Variants in GGTLC2 observed in about 807,000 individuals in gnomAD.
GGTLC2 encodes the protein gamma-glutamyltransferase light chain 2, also known as glutathione hydrolase light chain 2.
A neutral mutation model predicts 20.2 loss-of-function variants in GGTLC2; 13 were observed. That is an observed-to-expected ratio of 0.64 (90% confidence interval 0.42 to 1.02). The LOEUF is 1.02. Among genes scored for constraint, GGTLC2 ranks in the 50% least tolerant of loss-of-function variants. GGTLC2 has a pLI of 0.00. For missense variants in GGTLC2, 202 were observed against 301.3 expected (o/e 0.67, Z 2.44); for synonymous variants, 89 against 125.5 (o/e 0.71, Z 1.94).
intron 1 of GGTLC2, among the ~76,000 whole-genome samples, chr22:22,645,569 G>A (rs937409764): frequency 1.3e-5 from 2 of 150,942 alleles, no homozygotes; most frequent in South Asian, 2.1e-4. Flanking sequence ...CTCTTGCCTG[G>A]TTGATACCCA....
chr22:22,646,146 G>A (rs1601952455), intron 1 of GGTLC2, 166 bp from the exon 2 acceptor site: 7 of 1,389,542 alleles, frequency 5.0e-6, no homozygotes, highest in African/African-American at 3.0e-5. Flanking sequence ...TTGCTGGAAT[G>A]CGACAGAGAC....
chr22:22,645,315 CAGG>C (rs2064024432), intron 1 of GGTLC2, among the ~76,000 whole-genome samples: 1 of 151,072 alleles, frequency 6.6e-6, no homozygotes, highest in Admixed American at 6.6e-5. Context: ...GGACCTTGGC[CAGG>C]CTCATGGCAT....
rs150559361 is a variant in GGTLC2, at chr22:22,647,013, C to A, written c.335C>A (p.Thr112Lys). The A allele has an allele frequency of 6.2e-7, 1 of 1,611,550 alleles. No homozygotes were observed. Among genetic ancestry groups the A allele is most frequent in the Admixed American group, 1.7e-5 (1 of 59,950 alleles). The stretch of plus-strand genomic sequence containing the variant: ...CAGCCGCTCTCGTCAATGTGCCCGA[C>A]GATCATGGTGGGCCAGGACGGCCAG... ...GKQPLSSMCP[T>K]IMVGQDGQPP... is the part of the protein sequence containing the mutation. Residue 112 changes from threonine to lysine, a missense_variant, in exon 4 of 6, where the codon ACG becomes AAG. Thr to Lys is a moderately conservative substitution (Grantham distance 78). Coordinates refer to ENST00000448514, the MANE Select transcript of GGTLC2 (RefSeq NM_199127.3).
Position 22,646,474 on chromosome 22 carries a change from C to T in GGTLC2, c.129C>T (p.Val43=), listed in dbSNP as rs576426248. Residue 43 remains valine (V), a synonymous_variant, in exon 2 of 6, where the codon GTC becomes GTT. Transcript: ENST00000448514. ...VDGGTAHLSV[V]AEDGSAVSAT... Reference sequence around the variant, plus strand: ...GGGGCACTGCTCACCTGTCTGTCGTCGCAGAGGACGGCAGTGCTGTGTCCG... The same window carrying T: ...GGGGCACTGCTCACCTGTCTGTCGTTGCAGAGGACGGCAGTGCTGTGTCCG... 52 of 1,555,070 alleles carry T rather than the reference C, an allele frequency of 3.3e-5. 1 individual carries two copies. The East Asian group carries it at 6.3e-4, about 19-fold the overall frequency.
At chr22:22,646,066 CA>C in intron 1 of GGTLC2, 2 of 1,241,518 alleles carry the variant, frequency 1.6e-6, no homozygotes, top group Non-Finnish European at 2.1e-6. Flanking sequence ...ATATTTTTTG[CA>C]TGAAGGAATG....
In GGTLC2 at chr22:22,647,742, G is replaced by C. The variant is rs1389657343; in HGVS notation, c.*1G>C. On this transcript the variant is annotated 3_prime_UTR_variant, in exon 6 of 6. Transcript: ENST00000448514. ...AGGCGGGGAGCCTGCCGGCTACTGAGTGCTCCAGGAGGACAAGGCTGACAA... is the reference window on the plus strand; with the variant it reads ...AGGCGGGGAGCCTGCCGGCTACTGACTGCTCCAGGAGGACAAGGCTGACAA... 4 of 1,588,148 alleles carry C rather than the reference G, an allele frequency of 2.5e-6. No individual in the cohort carries two copies. Among genetic ancestry groups the C allele is most frequent in the Non-Finnish European group, 3.4e-6 (4 of 1,167,472 alleles).
rs2064121553 is a variant in GGTLC2 at position 22,646,986 on chromosome 22, A to G, written c.308A>G (p.Lys103Arg). 1.2e-6 allele frequency: 2 copies of G among 1,611,642 alleles called. No individual in the cohort carries two copies. Among genetic ancestry groups the G allele is most frequent in the Non-Finnish European group, 1.7e-6 (2 of 1,179,800 alleles). The change falls in exon 4 of 6, where the codon AAG (lysine) becomes AGG (arginine). Residue 103 changes from lysine (K) to arginine (R), a missense_variant. Physicochemically the swap from Lys to Arg is conservative, Grantham distance 26. Transcript: ENST00000448514. ...TGTCTTCTCCCATCGGCCACAGGGA[A>G]GCAGCCGCTCTCGTCAATGTGCCCG... ...PSPANFIQPGKQPLSSMCPTI... is the reference protein window; with the variant it reads ...PSPANFIQPGRQPLSSMCPTI...
In GGTLC2 at chr22:22,647,296, C is replaced by G; in HGVS notation, c.510+6C>G. The G allele has an allele frequency of 6.2e-7, 1 of 1,608,904 alleles. No homozygotes were observed. Among genetic ancestry groups the G allele is most frequent in the Non-Finnish European group, 8.5e-7 (1 of 1,178,368 alleles). On this transcript the variant is annotated splice_donor_region_variant and intron_variant, in intron 5 of 5. Transcript: ENST00000448514. ...TGGAGAGAAACATTGACCAGGTGGG[C>G]CGGGGGTTGGAGAAACTGAGTCACG...
At chr22:22,645,165 C>T (rs1286038026) in intron 1 of GGTLC2, among the ~76,000 whole-genome samples, 4 of 151,442 alleles carry the variant, frequency 2.6e-5, no homozygotes, top group Admixed American at 6.6e-5. Context: ...TTACAGGCCT[C>T]GGCCTCCCAA....
At chr22:22,646,606 A>G (rs62225861) in intron 2 of GGTLC2, 85 bp downstream of exon 2, 566,022 of 1,203,310 alleles carry the variant, frequency 0.47, 135,553 homozygotes, top group East Asian at 0.74. Context: ...AGGTGGCTCC[A>G]TCACCTCTTT....
In GGTLC2 at chr22:22,645,193, C is replaced by T. The variant is rs1029357383; in HGVS notation, c.-35+485C>T. Reference sequence around the variant, plus strand: ...CCTCCCAAAGTGCTGGGATTACAGGCGTGAGCCACCGCGCCCGGTGTTGAA... The same window carrying T: ...CCTCCCAAAGTGCTGGGATTACAGGTGTGAGCCACCGCGCCCGGTGTTGAA... On this transcript the variant is annotated intron_variant, in intron 1 of 5. Transcript: ENST00000448514. Among the ~76,000 whole-genome samples the T allele has an allele frequency of 9.6e-3, 1,460 of 151,552 alleles. 20 individuals carry two copies. The highest frequency in any genetic ancestry group is 0.033 in the African/African-American group (1,384 of 41,344).
chr22:22,646,615 T>C, intron 2 of GGTLC2, 94 bp downstream of exon 2: 1 of 1,349,750 alleles, frequency 7.4e-7, no homozygotes, highest in Non-Finnish European at 1.0e-6. Context: ...CATCACCTCT[T>C]TTCCTGGTGG....
At position 22,644,846 on chromosome 22, in the gene GGTLC2, T is replaced by G. The variant is rs12484617; in HGVS notation, c.-35+138T>G. 1.2e-4 allele frequency: 4 copies of G among 34,538 alleles called. 1 individual carries two copies. The highest frequency in any genetic ancestry group is 2.0e-4 in the Non-Finnish European group (4 of 19,766). The allele number at this position is 34,538 out of a possible 1,614,324, so 2.1% of individuals were successfully genotyped here. ...ATTGCAGTGAGCTGAGATCGCACCA[T>G]TGCACTCCAGCCTGGGCAACAGAGT... On this transcript the variant is annotated intron_variant, in intron 1 of 5. Transcript: ENST00000448514.
chr22:22,644,878 CTCTCTTTTTTTTTT>C (rs2063986075), intron 1 of GGTLC2, among the ~76,000 whole-genome samples, 170 bp downstream of exon 1: 4 of 72,846 alleles, frequency 5.5e-5, no homozygotes, highest in African/African-American at 2.9e-4. Context: ...GAGTCAGACT[CTCTCTTTTTTTTTT>C]TTTTTTTTTT....
rs771991812 is a variant in GGTLC2, at chr22:22,647,106, C to T, written c.361-35C>T. The stretch of plus-strand genomic sequence containing the variant: ...ACAGCCACTGCACTGATATGTGTCA[C>T]CCCTTTTCTCCCTGGCCGTGCCCAC... On this transcript the variant is annotated intron_variant, in intron 4 of 5. Transcript: ENST00000448514. 3.1e-6 allele frequency: 5 copies of T among 1,611,710 alleles called. No individual in the cohort carries two copies. In the South Asian group the frequency reaches 4.4e-5, roughly 14 times the overall value.
chr22:22,646,560 G>C (rs1263829562), intron 2 of GGTLC2, 39 bp downstream of exon 2: 1 of 1,446,150 alleles, frequency 6.9e-7, no homozygotes, highest in South Asian at 1.2e-5. Context: ...AAAGGGCCAG[G>C]GGCGGGTGGC....
chr22:22,645,736 C>CCCAG (rs1017918021), intron 1 of GGTLC2, among the ~76,000 whole-genome samples: 1 of 151,484 alleles, frequency 6.6e-6, no homozygotes, highest in Non-Finnish European at 1.5e-5. Context: ...TGGGATGGGC[C>CCCAG]CCAGCCTGCA....
chr22:22,647,851 A>G lies in GGTLC2; in HGVS notation c.*110A>G, dbSNP rs1156770898. On this transcript the variant is annotated 3_prime_UTR_variant, in exon 6 of 6. Transcript: ENST00000448514. ...CCCCTGTGAGCAGCAGAGCAGCACA[A>G]TAAATGAGGCCACTGTGCCAGGCTC... The G allele has an allele frequency of 3.9e-6, 6 of 1,544,260 alleles. No homozygotes were observed. Among genetic ancestry groups the G allele is most frequent in the South Asian group, 2.4e-5 (2 of 84,618 alleles).
chr22:22,646,279 T>A, intron 1 of GGTLC2, 33 bp from the exon 2 acceptor site: 1 of 827,336 alleles, frequency 1.2e-6, no homozygotes, highest in Non-Finnish European at 1.8e-6. Flanking sequence ...GAGACCTGTG[T>A]CCCCTCCCCA....
Sources: allele counts gnomAD v4.1 joint callset (sites outside exome capture counted in the v4.1 genomes callset), GRCh38; gene constraint gnomAD v4.1.1; transcripts MANE v1.5; gene names NCBI Gene and HGNC (gene_info 2026-07-23, HGNC 2026-07-21).